Variants in PCLO observed in about 807,000 individuals in gnomAD.
PCLO encodes piccolo presynaptic cytomatrix protein.
A neutral mutation model predicts 427.5 loss-of-function variants in PCLO; 82 were observed. That is an observed-to-expected ratio of 0.19 (90% CI 0.16 to 0.23). The LOEUF is 0.23. PCLO is among the 10% of genes least tolerant of loss of function. The probability of loss-of-function intolerance (pLI) is 1.00; values close to 1 mark genes in which losing one functional copy is unlikely to be tolerated. For missense variants in PCLO, 6,239 were observed against 6,115.9 expected (o/e 1.02, Z -0.67); for synonymous variants, 2,357 against 2,155.4 (o/e 1.09, Z -2.59).
In PCLO at chr7:83,123,129, A is replaced by C. The variant is rs530637022; in HGVS notation, c.3300+11121T>G. 1.1e-3 allele frequency among the ~76,000 whole-genome samples: 171 copies of C among 152,238 alleles called. 5 individuals carry two copies. The South Asian group carries it at 0.034, about 30-fold the overall frequency. On this transcript the variant is annotated intron_variant, in intron 3 of 24. Transcript: ENST00000333891. ...ACTTTCTTCACAGAAATAGAAAAAA[A>C]ATTTATATAGAACCACAAAAGACCA...
intron 9 of PCLO, chr7:82,880,476 T>C (rs2116050881): frequency 3.1e-6 from 1 of 320,148 alleles, no homozygotes; most frequent in East Asian, 8.8e-5. Flanking sequence ...ACTCCTAAGC[T>C]GAAGCAATCC....
chr7:82,910,459 A>G (rs748679145), intron 7 of PCLO, among the ~76,000 whole-genome samples: 16 of 152,158 alleles, frequency 1.1e-4, no homozygotes, highest in Non-Finnish European at 2.4e-4. Flanking sequence ...CTTAGATTTG[A>G]GAAAATACAT....
intron 3 of PCLO, among the ~76,000 whole-genome samples, chr7:83,097,525 A>AAAAT (rs1362073269): frequency 1.6e-4 from 24 of 145,500 alleles, no homozygotes; most frequent in African/African-American, 5.0e-4. Flanking sequence ...CAGTCTCAAA[A>AAAAT]ATATATATAT....
intron 9 of PCLO, among the ~76,000 whole-genome samples, chr7:82,887,920 A>C (rs918224366): frequency 6.6e-6 from 1 of 152,096 alleles, no homozygotes; most frequent in Non-Finnish European, 1.5e-5. Context: ...AGCTACAAAA[A>C]TTAGCCAGTC....
At chr7:83,043,760 C>G (rs1032533643) in intron 3 of PCLO, among the ~76,000 whole-genome samples, 1 of 151,978 alleles carries the variant, frequency 6.6e-6, no homozygotes, top group Non-Finnish European at 1.5e-5. Context: ...CAGAAGTCTA[C>G]CATAAGCAAA....
chr7:82,942,719 T>G (rs975334962), intron 6 of PCLO, among the ~76,000 whole-genome samples: 1 of 152,092 alleles, frequency 6.6e-6, no homozygotes, highest in African/African-American at 2.4e-5. Context: ...CAAAATACTT[T>G]GTATTTTAAT....
chr7:83,039,487 C>T (rs1283903810), intron 3 of PCLO, among the ~76,000 whole-genome samples: 1 of 152,036 alleles, frequency 6.6e-6, no homozygotes, highest in African/African-American at 2.4e-5. Flanking sequence ...ACTGAATATT[C>T]TTGGCACTCT....
At chr7:82,970,967 T>C (rs1462978012) in intron 3 of PCLO, among the ~76,000 whole-genome samples, 1 of 151,844 alleles carries the variant, frequency 6.6e-6, no homozygotes, top group Non-Finnish European at 1.5e-5. Context: ...TTGGAAATAC[T>C]CTATAACCTA....
chr7:82,862,802 A>G (rs1792994022), intron 10 of PCLO, among the ~76,000 whole-genome samples: 1 of 151,984 alleles, frequency 6.6e-6, no homozygotes, highest in Non-Finnish European at 1.5e-5. Flanking sequence ...CTAAAAATCA[A>G]AACTATTGAA....
intron 22 of PCLO, among the ~76,000 whole-genome samples, chr7:82,785,047 T>C (rs4728525): frequency 0.94 from 143,574 of 152,224 alleles, 67,806 homozygotes; most frequent in East Asian, 1. Context: ...TAAGTTTCTT[T>C]GGTATTATTT....
Position 82,956,479 on chromosome 7 carries a change from C to G in PCLO, c.4474G>C (p.Asp1492His). Residue 1492 changes from aspartate to histidine, a missense_variant, in exon 5 of 25, where the codon GAC (aspartate) becomes CAC (histidine). By Grantham distance (81) the Asp-to-His change is moderately conservative. Coordinates refer to ENST00000333891, the MANE Select transcript of PCLO (RefSeq NM_033026.6). ...DSQQDIPSSK[D>H]HKEKSEFVDD... ...ACAAACTCAGACTTCTCTTTATGGT[C>G]CTTGCTGGAAGGAATATCTTGTTGG... 6.2e-7 allele frequency: 1 copy of G among 1,613,782 alleles called. No individual in the cohort carries two copies. Among genetic ancestry groups the G allele is most frequent in the African/African-American group, 1.3e-5 (1 of 75,054 alleles).
chr7:83,159,043 A>T (rs1010516254), intron 1 of PCLO, among the ~76,000 whole-genome samples: 2 of 152,104 alleles, frequency 1.3e-5, no homozygotes, highest in Non-Finnish European at 2.9e-5. Context: ...GAGAGAAAGG[A>T]TATATTTCAC....
chr7:82,920,753 C>T (rs77895105), intron 6 of PCLO, among the ~76,000 whole-genome samples: 5,980 of 151,696 alleles, frequency 0.039, 400 homozygotes, highest in African/African-American at 0.14. Flanking sequence ...ATAAGTAAAG[C>T]ACATAGCCAC....
rs372968778 is a variant in PCLO, at chr7:83,155,273, G to A, written c.1368C>T (p.Pro456=). The part of the protein sequence containing the change: ...PGKIPAQQAG[P]GKTSAQQTGP... ...CAGTCTGCTGGGCAGAAGTCTTTCC[G>A]GGTCCTGCCTGTTGAGCTGGAATCT... Residue 456 remains proline, a synonymous_variant, in exon 2 of 25, where the codon CCC becomes CCT. Coordinates refer to ENST00000333891, the MANE Select transcript of PCLO (RefSeq NM_033026.6). 419 of 1,613,700 alleles carry A rather than the reference G, an allele frequency of 2.6e-4. No homozygotes were observed. Among genetic ancestry groups the A allele is most frequent in the Middle Eastern group, 8.3e-4 (5 of 6,058 alleles).
At chr7:83,069,827 A>ACACACACACACAC (rs1562948973) in intron 3 of PCLO, among the ~76,000 whole-genome samples, 7 of 121,114 alleles carry the variant, frequency 5.8e-5, no homozygotes, top group South Asian at 6.2e-4. Context: ...ACACACACAC[A>ACACACACACACAC]AAGACTGATG....
Position 82,954,409 on chromosome 7 carries a change from G to A in PCLO, c.6544C>T (p.Pro2182Ser), listed in dbSNP as rs763720952. ...SATSVPPSDT[P>S]SLTSSVSSVC... ...GAAGAAACAGATGATGTGAGAGAAG[G>A]TGTGTCAGAGGGTGGGACAGATGTA... The change falls in exon 5 of 25, where the codon CCT (proline) becomes TCT (serine). Residue 2182 changes from proline (P) to serine (S), a missense_variant. Physicochemically the swap from Pro to Ser is moderately conservative, Grantham distance 74 (BLOSUM62 -1). Transcript: ENST00000333891. The A allele has an allele frequency of 6.2e-7, 1 of 1,613,914 alleles. No homozygotes were observed. The highest frequency in any genetic ancestry group is 8.5e-7 in the Non-Finnish European group (1 of 1,179,848).
At chr7:82,943,258 A>C (rs1795124853) in intron 6 of PCLO, among the ~76,000 whole-genome samples, 1 of 152,206 alleles carries the variant, frequency 6.6e-6, no homozygotes, top group South Asian at 2.1e-4. Context: ...TTTTAATAAG[A>C]AGTTTGCCTA....
chr7:82,782,526 C>A (rs1018893422), intron 22 of PCLO, among the ~76,000 whole-genome samples: 6 of 152,018 alleles, frequency 3.9e-5, no homozygotes, highest in African/African-American at 1.4e-4. Flanking sequence ...TCTACTGTGG[C>A]AACATATGCT....
At position 82,952,646 on chromosome 7, in the gene PCLO, A is replaced by G; in HGVS notation, c.8307T>C (p.Ser2769=). 1 of 1,613,958 alleles carries G rather than the reference A, an allele frequency of 6.2e-7. No individual in the cohort carries two copies. Among genetic ancestry groups the G allele is most frequent in the Non-Finnish European group, 8.5e-7 (1 of 1,179,840 alleles). Residue 2769 remains serine, a synonymous_variant, in exon 5 of 25, where the codon AGT becomes AGC. Coordinates refer to ENST00000333891, the MANE Select transcript of PCLO (RefSeq NM_033026.6). Reference sequence around the variant, plus strand: ...GATTTATAATAGAGGGTTGGACAGCACTAATTTGTTTCCCATAAACTTCAT... The same window carrying G: ...GATTTATAATAGAGGGTTGGACAGCGCTAATTTGTTTCCCATAAACTTCAT... ...TANEVYGKQI[S]AVQPSIINLS...
Sources: allele counts gnomAD v4.1 joint callset (sites outside exome capture counted in the v4.1 genomes callset), GRCh38; gene constraint gnomAD v4.1.1; transcripts MANE v1.5; gene names NCBI Gene and HGNC (gene_info 2026-07-23, HGNC 2026-07-21).